Variants in GRM1 observed in about 807,000 individuals in gnomAD.
GRM1 encodes the protein metabotropic glutamate receptor 1.
A neutral mutation model predicts 90.9 loss-of-function variants in GRM1; 33 were observed. That is an observed-to-expected ratio of 0.36 (90% CI 0.28 to 0.49). The LOEUF (loss-of-function observed/expected upper bound fraction) is 0.49, where lower values mean the gene tolerates loss of function less well. GRM1 is among the 20% of genes least tolerant of loss of function. The probability of loss-of-function intolerance (pLI) is 0.99; values close to 1 mark genes in which losing one functional copy is unlikely to be tolerated. For missense variants in GRM1, 1,190 were observed against 1,534.3 expected (o/e 0.78, Z 3.75); for synonymous variants, 700 against 613.2 (o/e 1.14, Z -2.09).
chr6:146,246,671 T>A (rs1047580719), intron 2 of GRM1, among the ~76,000 whole-genome samples: 2 of 152,218 alleles, frequency 1.3e-5, no homozygotes, highest in African/African-American at 2.4e-5. Flanking sequence ...TGCAATGCAA[T>A]AAAACAATGC....
chr6:146,411,881 T>G (rs777157700), intron 7 of GRM1, among the ~76,000 whole-genome samples: 2 of 152,088 alleles, frequency 1.3e-5, no homozygotes, highest in Admixed American at 6.5e-5. Flanking sequence ...AAAACATGAC[T>G]GATCTGGAAA....
chr6:146,295,704 T>G (rs918195052), intron 2 of GRM1, among the ~76,000 whole-genome samples: 1 of 152,232 alleles, frequency 6.6e-6, no homozygotes, highest in Non-Finnish European at 1.5e-5. Context: ...TGTATATTAT[T>G]GAGAGATTAT....
rs755979297 is a variant in GRM1 at position 146,433,855 on chromosome 6, C to G, written c.2661-17C>G. 9.4e-5 allele frequency: 146 copies of G among 1,545,328 alleles called. No individual in the cohort carries two copies. The highest frequency in any genetic ancestry group is 1.3e-4 in the Non-Finnish European group (144 of 1,117,430). ...ATGATCTATCTGCAAATAAATCCAT[C>G]TCTATTTTATTCATAGTTCTAATGG... On this transcript the variant is annotated splice_polypyrimidine_tract_variant and intron_variant, in intron 7 of 7. Transcript: ENST00000282753.
chr6:146,229,407 C>G (rs1318141001), intron 2 of GRM1, among the ~76,000 whole-genome samples: 1 of 149,598 alleles, frequency 6.7e-6, no homozygotes, highest in Non-Finnish European at 1.5e-5. Context: ...TTTTGTGCCT[C>G]TTGGAGCCAT....
At chr6:146,111,564 GA>G (rs1775560428) in intron 1 of GRM1, among the ~76,000 whole-genome samples, 1 of 152,210 alleles carries the variant, frequency 6.6e-6, no homozygotes, top group Non-Finnish European at 1.5e-5. Flanking sequence ...CTTTGAGGAA[GA>G]TGATACTTTA....
chr6:146,189,274 C>A (rs1328822964), intron 2 of GRM1, among the ~76,000 whole-genome samples: 1 of 152,178 alleles, frequency 6.6e-6, no homozygotes, highest in African/African-American at 2.4e-5. Flanking sequence ...CTGTTTTCCT[C>A]AGTGACCTGG....
intron 3 of GRM1, among the ~76,000 whole-genome samples, chr6:146,342,768 T>A (rs1785028344): frequency 6.6e-6 from 1 of 152,222 alleles, no homozygotes; most frequent in Non-Finnish European, 1.5e-5. Context: ...AGACTAGTTC[T>A]TGGACATATT....
intron 3 of GRM1, among the ~76,000 whole-genome samples, chr6:146,313,147 G>C (rs1159657367): frequency 6.6e-6 from 1 of 152,166 alleles, no homozygotes; most frequent in Non-Finnish European, 1.5e-5. Flanking sequence ...TAATGGCATC[G>C]AGAGAGTAAA....
chr6:146,037,062 C>G (rs185785940), intron 1 of GRM1, among the ~76,000 whole-genome samples: 22 of 152,072 alleles, frequency 1.4e-4, no homozygotes, highest in African/African-American at 5.3e-4. Context: ...TATGCATGCA[C>G]ATCTCAGTTT....
chr6:146,365,896 G>T (rs1263325974), intron 5 of GRM1, among the ~76,000 whole-genome samples: 2 of 152,108 alleles, frequency 1.3e-5, no homozygotes, highest in East Asian at 3.9e-4. Context: ...CTGAAAGCTG[G>T]GTGAGGACTT....
intron 7 of GRM1, among the ~76,000 whole-genome samples, chr6:146,420,265 C>G (rs1301509907): frequency 6.6e-6 from 1 of 152,200 alleles, no homozygotes; most frequent in Non-Finnish European, 1.5e-5. Context: ...ATGATCAAGG[C>G]TCCCTGACAA....
At chr6:146,408,681 A>G (rs2300626) in intron 7 of GRM1, among the ~76,000 whole-genome samples, 23,359 of 152,134 alleles carry the variant, frequency 0.15, 3,779 homozygotes, top group African/African-American at 0.4. Flanking sequence ...TATAAAAAAT[A>G]GAGGAGCTGT....
chr6:146,356,322 A>G (rs950980167), intron 4 of GRM1, among the ~76,000 whole-genome samples: 1 of 152,214 alleles, frequency 6.6e-6, no homozygotes, highest in Non-Finnish European at 1.5e-5. Flanking sequence ...TGGAGGCTGG[A>G]AAGTCCAAGA....
At chr6:146,206,603 A>G in intron 2 of GRM1, among the ~76,000 whole-genome samples, 1 of 147,844 alleles carries the variant, frequency 6.8e-6, no homozygotes. Flanking sequence ...GATGTTTGTT[A>G]GTTTCTTCAA....
At chr6:146,114,633 T>C (rs370412529) in intron 1 of GRM1, among the ~76,000 whole-genome samples, 1 of 152,144 alleles carries the variant, frequency 6.6e-6, no homozygotes, top group South Asian at 2.1e-4. Flanking sequence ...TATTGTACAA[T>C]AGTAAGTAAA....
intron 1 of GRM1, among the ~76,000 whole-genome samples, chr6:146,047,631 G>GC (rs1002817042): frequency 2.0e-5 from 3 of 150,752 alleles, no homozygotes; most frequent in Non-Finnish European, 4.4e-5. Context: ...AGAGAGGCAT[G>GC]CCACCTGTCA....
At chr6:146,177,700 T>C (rs976937249) in intron 2 of GRM1, among the ~76,000 whole-genome samples, 1 of 152,152 alleles carries the variant, frequency 6.6e-6, no homozygotes, top group African/African-American at 2.4e-5. Context: ...ATTAAATGCA[T>C]TTTTGCAATT....
intron 5 of GRM1, among the ~76,000 whole-genome samples, chr6:146,363,581 ATGTATG>A (rs1228337509): frequency 6.6e-6 from 1 of 152,154 alleles, no homozygotes; most frequent in Non-Finnish European, 1.5e-5. Context: ...GTATGTGTCT[ATGTATG>A]TGTATGTATG....
chr6:146,349,747 GTATGAATAAA>G (rs796911237), intron 3 of GRM1, among the ~76,000 whole-genome samples: 8 of 152,130 alleles, frequency 5.3e-5, no homozygotes, highest in African/African-American at 1.9e-4. Context: ...TGTATCATAG[GTATGAATAAA>G]TATTTGTCAA....
Sources: allele counts gnomAD v4.1 joint callset (sites outside exome capture counted in the v4.1 genomes callset), GRCh38; gene constraint gnomAD v4.1.1; transcripts MANE v1.5; gene names NCBI Gene and HGNC (gene_info 2026-07-23, HGNC 2026-07-21).